PSMD2: variants seen among roughly 807,000 people sequenced by gnomAD.
The protein encoded by PSMD2 is 26S proteasome non-ATPase regulatory subunit 2.
Under a neutral mutation model 101.5 loss-of-function variants are expected in PSMD2, and 8 were observed. The observed-to-expected ratio is 0.08, with a 90% confidence interval of 0.05 to 0.14. The LOEUF is 0.14. PSMD2 is among the 10% of genes least tolerant of loss of function. The pLI is 1.00. For missense variants in PSMD2, 784 were observed against 1,147.4 expected (o/e 0.68, Z 4.58); for synonymous variants, 418 against 433.8 (o/e 0.96, Z 0.45).
At chr3:184,303,135 G>A in intron 8 of PSMD2, 73 bp downstream of exon 8, 1 of 1,543,476 alleles carries the variant, frequency 6.5e-7, no homozygotes, top group Non-Finnish European at 8.9e-7. Context: ...TGATGGCTTG[G>A]CCAACATGCT....
chr3:184,300,593 G>C, intron 3 of PSMD2, 149 bp downstream of exon 3: 1 of 1,427,700 alleles, frequency 7.0e-7, no homozygotes, highest in Admixed American at 3.1e-5. Context: ...AATATCTACA[G>C]AAGAGCTGAA....
At chr3:184,303,553 C>T (rs1174571160) in intron 9 of PSMD2, 87 bp downstream of exon 9, 2 of 1,604,460 alleles carry the variant, frequency 1.2e-6, no homozygotes, top group Non-Finnish European at 1.7e-6. Flanking sequence ...GACAAGGGAT[C>T]CACCATGCAG....
In PSMD2 at chr3:184,302,154, A is replaced by G. The variant is rs1486784153; in HGVS notation, c.704+83A>G. 2.1e-6 allele frequency: 3 copies of G among 1,441,742 alleles called. No homozygotes were observed. In the East Asian group the frequency reaches 6.8e-5, roughly 33 times the overall value. The allele number at this position is 1,441,742 out of a possible 1,614,324, so 89.3% of individuals were successfully genotyped here. On this transcript the variant is annotated intron_variant, in intron 5 of 20. Transcript: ENST00000310118. Reference sequence around the variant, plus strand: ...AATTGCGCCTCCTCTATTTTCCCAGAGCATTTGCTCAAGCATAGCATCACG... The same window carrying G: ...AATTGCGCCTCCTCTATTTTCCCAGGGCATTTGCTCAAGCATAGCATCACG...
intron 1 of PSMD2, 149 bp downstream of exon 1, chr3:184,299,550 C>T (rs1455001240): frequency 9.0e-7 from 1 of 1,106,922 alleles, no homozygotes; most frequent in Non-Finnish European, 1.2e-6. Context: ...CCTTGCCTCT[C>T]TGCTCCTCAT....
chr3:184,308,070 C>A lies in PSMD2; in HGVS notation c.2425+54C>A, dbSNP rs966122286. ...TAGCATGCAGGGCTCTGACTCCACC[C>A]TTTCCAGGGCCACTTTGATAATTTA... is the stretch of plus-strand genomic sequence containing the variant. On this transcript the variant is annotated intron_variant, in intron 19 of 20. Transcript: ENST00000310118. This position sits in a 1 kb window ranked among gnomAD's most constrained non-coding sequence, Gnocchi z 6.0. 4.4e-6 allele frequency: 7 copies of A among 1,599,672 alleles called. No individual in the cohort carries two copies. The highest frequency in any genetic ancestry group is 6.0e-6 in the Non-Finnish European group (7 of 1,173,784).
Position 184,305,801 on chromosome 3 carries a change from A to G in PSMD2, c.1573A>G (p.Ile525Val), listed in dbSNP as rs769383826. 3 of 1,614,174 alleles carry G rather than the reference A, an allele frequency of 1.9e-6. No individual in the cohort carries two copies. In the South Asian group the frequency reaches 3.3e-5, roughly 18 times the overall value. The part of the protein sequence containing the change: ...AGVTALACGM[I>V]AVGSCNGDVT... ...TGTCACAGCTTTAGCCTGTGGAATG[A>G]TAGCAGTAGGGTCCTGCAATGGAGA... The change falls in exon 13 of 21, where the codon ATA becomes GTA. Residue 525 changes from isoleucine to valine, a missense_variant. Ile to Val is a conservative substitution (Grantham distance 29). Coordinates refer to ENST00000310118, the MANE Select transcript of PSMD2 (RefSeq NM_002808.5).
chr3:184,308,886 T>G lies in PSMD2; in HGVS notation c.2723T>G (p.Leu908Arg). Residue 908 changes from leucine to arginine, a missense_variant, in exon 21 of 21, where the codon CTC becomes CGC. Physicochemically the swap from Leu to Arg is moderately radical, Grantham distance 102 (BLOSUM62 -2). This residue lies in a region of PSMD2 where 33 missense variants were observed against 38.2 expected (regional missense o/e 0.86). Coordinates refer to ENST00000310118, the MANE Select transcript of PSMD2 (RefSeq NM_002808.5). The surrounding 1 kb of genome is among the most constrained non-coding windows in gnomAD (Gnocchi z 6.0). Reference protein sequence around the residue: ...VILRKNPNYDL With the variant: ...VILRKNPNYDR ...CTTCGGAAGAACCCCAATTATGATC[T>G]CTAAGTGACCACCAGGGGCTCTGAA... is the stretch of plus-strand genomic sequence containing the variant. 2 of 1,611,464 alleles carry G rather than the reference T, an allele frequency of 1.2e-6. No homozygotes were observed. The highest frequency in any genetic ancestry group is 1.7e-6 in the Non-Finnish European group (2 of 1,179,526).
At chr3:184,306,892 A>C (rs1721850684) in intron 16 of PSMD2, 58 bp downstream of exon 16, 1 of 1,409,340 alleles carries the variant, frequency 7.1e-7, no homozygotes, top group African/African-American at 1.5e-5. Context: ...GGGGTTCCCC[A>C]GGGAAGATTT....
At position 184,307,563 on chromosome 3, in the gene PSMD2, G is replaced by A. The variant is rs1441533879; in HGVS notation, c.2203+38G>A. ...CAGAAGAAGGTCATAAACAGATTGG[G>A]GGAAGATTTGAAGCCCCTTTTTTCA... is the stretch of plus-strand genomic sequence containing the variant. On this transcript the variant is annotated intron_variant, in intron 17 of 20. Transcript: ENST00000310118. 1.9e-6 allele frequency: 3 copies of A among 1,614,014 alleles called. No individual in the cohort carries two copies. The Admixed American group carries it at 5.0e-5, about 27-fold the overall frequency.
chr3:184,308,649 C>A lies in PSMD2; in HGVS notation c.2545-59C>A. On this transcript the variant is annotated intron_variant, in intron 20 of 20. Coordinates refer to ENST00000310118, the MANE Select transcript of PSMD2 (RefSeq NM_002808.5). The surrounding 1 kb of genome is among the most constrained non-coding windows in gnomAD (Gnocchi z 6.0). ...CATATACTTGCTTTGCTGAAACTGG[C>A]GTGGGCGGTGGCTTGTCGCTACTTT... 6.3e-7 allele frequency: 1 copy of A among 1,586,690 alleles called. No homozygotes were observed. The highest frequency in any genetic ancestry group is 8.6e-7 in the Non-Finnish European group (1 of 1,157,314).
chr3:184,301,806 C>T (rs1721652318), intron 4 of PSMD2, 41 bp from the exon 5 acceptor site: 5 of 1,612,786 alleles, frequency 3.1e-6, no homozygotes, highest in Non-Finnish European at 4.2e-6. Flanking sequence ...AAGTGCTTCC[C>T]CTGAAGCTGT....
chr3:184,299,777 C>T (rs1721581125), intron 1 of PSMD2, 74 bp from the exon 2 acceptor site: 2 of 1,292,720 alleles, frequency 1.5e-6, no homozygotes, highest in Non-Finnish European at 2.2e-6. Flanking sequence ...TATTCTTCAC[C>T]TGCCCCGGGT....
chr3:184,302,354 A>G lies in PSMD2; in HGVS notation c.705-16A>G, dbSNP rs374499427. On this transcript the variant is annotated splice_polypyrimidine_tract_variant and intron_variant, in intron 5 of 20. Coordinates refer to ENST00000310118, the MANE Select transcript of PSMD2 (RefSeq NM_002808.5). Reference sequence around the variant, plus strand: ...CCTGGGACTTTCTGAATTCTTTGTTACTTTTACTTTTGTAGTTGTGTGAAT... The same window carrying G: ...CCTGGGACTTTCTGAATTCTTTGTTGCTTTTACTTTTGTAGTTGTGTGAAT... 2.7e-4 allele frequency: 427 copies of G among 1,604,246 alleles called. No homozygotes were observed. Among genetic ancestry groups the G allele is most frequent in the Non-Finnish European group, 3.5e-4 (412 of 1,176,482 alleles).
intron 8 of PSMD2, 108 bp downstream of exon 8, chr3:184,303,170 A>G (rs1325841752): frequency 1.2e-5 from 18 of 1,508,974 alleles, no homozygotes; most frequent in Non-Finnish European, 1.6e-5. Flanking sequence ...CAGAATCCTC[A>G]TGAATCTTTT....
rs369440826 is a variant in PSMD2 at position 184,303,897 on chromosome 3, G to C, written c.1324-50G>C. On this transcript the variant is annotated intron_variant, in intron 10 of 20. Coordinates refer to ENST00000310118, the MANE Select transcript of PSMD2 (RefSeq NM_002808.5). Reference sequence around the variant, plus strand: ...GTGAGGCCCATGTTGCATCCTTTGCGGTGAGGAAGATAGAGTATCCTGAGT... The same window carrying C: ...GTGAGGCCCATGTTGCATCCTTTGCCGTGAGGAAGATAGAGTATCCTGAGT... 103 of 1,613,568 alleles carry C rather than the reference G, an allele frequency of 6.4e-5. No individual in the cohort carries two copies. The African/African-American group carries it at 1.1e-3, about 17-fold the overall frequency.
In PSMD2 at chr3:184,308,347, T is replaced by C; in HGVS notation, c.2426-102T>C. 1.0e-6 allele frequency: 1 copy of C among 964,828 alleles called. No homozygotes were observed. Among genetic ancestry groups the C allele is most frequent in the Non-Finnish European group, 1.6e-6 (1 of 640,192 alleles). 59.8% of individuals were successfully genotyped at this position (964,828 alleles called of 1,614,324 possible). ...GGGGAGGAGTGTGGATTCAGTCGTA[T>C]GACTGACGGGTTAAAGGGTCAGCGC... On this transcript the variant is annotated intron_variant, in intron 19 of 20. Coordinates refer to ENST00000310118, the MANE Select transcript of PSMD2 (RefSeq NM_002808.5). This position sits in a 1 kb window ranked among gnomAD's most constrained non-coding sequence, Gnocchi z 6.0.
chr3:184,303,050 C>G lies in PSMD2; in HGVS notation c.1057C>G (p.Leu353Val), dbSNP rs764503670. Residue 353 changes from leucine (L) to valine (V), a missense_variant, in exon 8 of 21, where the codon CTA (leucine) becomes GTA (valine). Leu to Val is a conservative substitution (Grantham distance 32). Coordinates refer to ENST00000310118, the MANE Select transcript of PSMD2 (RefSeq NM_002808.5). Reference sequence around the variant, plus strand: ...GCCTGATGACATCTACAAAACCCACCTAGAGAACAACAGTGAGTAGCCCTC... The same window carrying G: ...GCCTGATGACATCTACAAAACCCACGTAGAGAACAACAGTGAGTAGCCCTC... Reference protein sequence around the residue: ...KVPDDIYKTHLENNRFGGSGS... With the variant: ...KVPDDIYKTHVENNRFGGSGS... 16 of 1,613,970 alleles carry G rather than the reference C, an allele frequency of 9.9e-6. No homozygotes were observed. Among genetic ancestry groups the G allele is most frequent in the Non-Finnish European group, 1.1e-5 (13 of 1,179,912 alleles).
chr3:184,305,317 T>C (rs1449238391), intron 12 of PSMD2, among the ~76,000 whole-genome samples: 2 of 152,120 alleles, frequency 1.3e-5, no homozygotes, highest in Non-Finnish European at 2.9e-5. Flanking sequence ...GGTGAAACCC[T>C]GTCTCTATTA....
chr3:184,308,105 C>A lies in PSMD2; in HGVS notation c.2425+89C>A. On this transcript the variant is annotated intron_variant, in intron 19 of 20. Transcript: ENST00000310118. The surrounding 1 kb of genome is among the most constrained non-coding windows in gnomAD (Gnocchi z 6.0). ...CCACTTTGATAATTTAGGTTCAAGA[C>A]CCCAGTTTAGCTCTGTATCGCTCTA... 1 of 1,529,340 alleles carries A rather than the reference C, an allele frequency of 6.5e-7. No individual in the cohort carries two copies. The highest frequency in any genetic ancestry group is 8.9e-7 in the Non-Finnish European group (1 of 1,128,504). The allele number at this position is 1,529,340 out of a possible 1,614,324, so 94.7% of individuals were successfully genotyped here.
Sources: allele counts gnomAD v4.1 joint callset (sites outside exome capture counted in the v4.1 genomes callset), GRCh38; gene constraint gnomAD v4.1.1; regional missense constraint gnomAD v4.1.1; non-coding constraint Gnocchi (gnomAD v3.1); transcripts MANE v1.5; gene names NCBI Gene and HGNC (gene_info 2026-07-23, HGNC 2026-07-21).